The following ADGRL2 variants were observed in gnomAD, a reference collection of about 807,000 sequenced individuals.
ADGRL2 encodes the protein calcium-independent alpha-latrotoxin receptor 2.
A neutral mutation model predicts 157.4 loss-of-function variants in ADGRL2; 44 were observed. The ratio of observed to expected loss-of-function variants is 0.28; its 90% CI spans 0.22 to 0.36. The LOEUF (loss-of-function observed/expected upper bound fraction) is 0.36, where lower values mean the gene tolerates loss of function less well. Ranked by LOEUF, ADGRL2 falls within the 10% of genes least tolerant of loss-of-function variation. The pLI is 1.00. For missense variants in ADGRL2, 1,510 were observed against 1,768.9 expected (o/e 0.85, Z 2.63); for synonymous variants, 585 against 624.7 (o/e 0.94, Z 0.95).
At chr1:81,926,909 G>C (rs561813699) in intron 3 of ADGRL2, among the ~76,000 whole-genome samples, 3 of 152,012 alleles carry the variant, frequency 2.0e-5, no homozygotes, top group Admixed American at 6.6e-5. Flanking sequence ...CCCAAGGTCC[G>C]GTAAAAACTG....
At chr1:81,566,523 T>G (rs922072625) in intron 2 of ADGRL2, among the ~76,000 whole-genome samples, 3 of 152,180 alleles carry the variant, frequency 2.0e-5, no homozygotes, top group African/African-American at 7.2e-5. Context: ...TTCATTATAT[T>G]CTGACTTCCT....
chr1:81,310,158 T>A (rs1331453805), intron 1 of ADGRL2, among the ~76,000 whole-genome samples: 2 of 152,134 alleles, frequency 1.3e-5, no homozygotes, highest in Admixed American at 1.3e-4. Flanking sequence ...CAATGCATGT[T>A]TAAACGGTCT....
rs569394268 is a variant in ADGRL2, at chr1:81,441,548, G to A, written c.-301-3488G>A. Among the ~76,000 whole-genome samples the A allele has an allele frequency of 4.6e-5, 7 of 152,018 alleles. No individual in the cohort carries two copies. The East Asian group carries it at 9.7e-4, about 21-fold the overall frequency. ...GGGTTTTTTTGTTTGTTTTTGAGAC[G>A]GAGTCTCACATTGTCACCCAGGCTG... On this transcript the variant is annotated intron_variant, in intron 1 of 24. Transcript: ENST00000370721.
chr1:81,484,297 C>T (rs1050466283), intron 2 of ADGRL2, among the ~76,000 whole-genome samples: 12 of 152,216 alleles, frequency 7.9e-5, no homozygotes, highest in Admixed American at 2.6e-4. Flanking sequence ...AACAACTAGT[C>T]GGACTACAGA....
intron 2 of ADGRL2, among the ~76,000 whole-genome samples, chr1:81,764,072 G>T (rs1024069340): frequency 1.5e-4 from 21 of 139,120 alleles, no homozygotes. Context: ...CACGCCTGTA[G>T]TCCCAGCTAC....
chr1:81,418,325 G>T (rs982263175), intron 1 of ADGRL2, among the ~76,000 whole-genome samples: 2 of 152,132 alleles, frequency 1.3e-5, no homozygotes, highest in Non-Finnish European at 2.9e-5. Flanking sequence ...AAATTTTGTG[G>T]CAAAAACCCT....
intron 2 of ADGRL2, among the ~76,000 whole-genome samples, chr1:81,574,172 C>T (rs2080751106): frequency 7.4e-6 from 1 of 134,932 alleles, no homozygotes; most frequent in Admixed American, 8.4e-5. Context: ...TTCCTATAGG[C>T]TTAAGCAGGA....
At chr1:81,559,633 C>A (rs1256886582) in intron 2 of ADGRL2, among the ~76,000 whole-genome samples, 1 of 151,970 alleles carries the variant, frequency 6.6e-6, no homozygotes, top group Non-Finnish European at 1.5e-5. Flanking sequence ...GCTGAGTTAT[C>A]TAAGTTTATG....
intron 1 of ADGRL2, among the ~76,000 whole-genome samples, chr1:81,426,098 A>C (rs2077210196): frequency 6.6e-6 from 1 of 152,202 alleles, no homozygotes; most frequent in African/African-American, 2.4e-5. Flanking sequence ...CAAAGACCCA[A>C]GGAAAACAGC....
At chr1:81,805,406 AT>A (rs2088963769) in intron 1 of ADGRL2, among the ~76,000 whole-genome samples, 1 of 152,004 alleles carries the variant, frequency 6.6e-6, no homozygotes. Context: ...GTAAGCTCAT[AT>A]TTTTTATAGT....
chr1:81,418,120 T>A (rs1013478931), intron 1 of ADGRL2, among the ~76,000 whole-genome samples: 1 of 152,208 alleles, frequency 6.6e-6, no homozygotes, highest in African/African-American at 2.4e-5. Context: ...TAGTGTCCAA[T>A]GGTAACTACC....
intron 2 of ADGRL2, among the ~76,000 whole-genome samples, chr1:81,871,095 C>T (rs1042128932): frequency 2.5e-5 from 3 of 120,926 alleles, no homozygotes; most frequent in Non-Finnish European, 3.3e-5. Context: ...CTCCCCCCAC[C>T]CCCAACAGGC....
intron 1 of ADGRL2, chr1:81,722,476 A>G (rs575197346): frequency 6.5e-7 from 1 of 1,542,800 alleles, no homozygotes; most frequent in Non-Finnish European, 8.8e-7. Context: ...TTTTCGTCAA[A>G]TTACAGAAGC....
intron 3 of ADGRL2, among the ~76,000 whole-genome samples, chr1:81,926,649 T>C (rs2095114139): frequency 1.3e-5 from 2 of 152,032 alleles, no homozygotes; most frequent in African/African-American, 4.8e-5. Flanking sequence ...CACAGAAGCA[T>C]TATTTTTTTA....
chr1:81,336,660 C>T (rs1661662213), intron 1 of ADGRL2, among the ~76,000 whole-genome samples: 1 of 152,080 alleles, frequency 6.6e-6, no homozygotes, highest in African/African-American at 2.4e-5. Context: ...GCTGGGGTGT[C>T]TGGATGGCCT....
At chr1:81,646,038 A>G (rs2082309653) in intron 3 of ADGRL2, among the ~76,000 whole-genome samples, 1 of 152,144 alleles carries the variant, frequency 6.6e-6, no homozygotes, top group African/African-American at 2.4e-5. Context: ...GTTAATTCTC[A>G]TTCATATTTT....
At chr1:81,673,006 A>C (rs1030751807) in intron 3 of ADGRL2, among the ~76,000 whole-genome samples, 1 of 152,220 alleles carries the variant, frequency 6.6e-6, no homozygotes, top group African/African-American at 2.4e-5. Context: ...AGCCTCAGGG[A>C]AAGTGTACAC....
At chr1:81,925,558 TAAA>T (rs79070762) in intron 3 of ADGRL2, among the ~76,000 whole-genome samples, 69 of 143,242 alleles carry the variant, frequency 4.8e-4, no homozygotes, top group Non-Finnish European at 7.5e-4. Context: ...CCCTCTTGAT[TAAA>T]AAAAAAAAAA....
intron 3 of ADGRL2, among the ~76,000 whole-genome samples, chr1:81,682,020 G>A (rs1327372751): frequency 6.6e-6 from 1 of 152,046 alleles, no homozygotes; most frequent in African/African-American, 2.4e-5. Flanking sequence ...GGCTACAAAA[G>A]CATTTTAAAA....
Sources: gnomAD v4.1 joint callset for allele counts (sites outside exome capture counted in the v4.1 genomes callset) on GRCh38, gnomAD v4.1.1 for gene constraint, MANE v1.5 for transcripts, NCBI Gene and HGNC (gene_info 2026-07-23, HGNC 2026-07-21) for gene names.